DCC: variants seen among roughly 807,000 people sequenced by gnomAD.
The protein encoded by DCC is netrin receptor DCC.
A neutral mutation model predicts 172.5 loss-of-function variants in DCC; 58 were observed. That is an observed-to-expected ratio of 0.34 (90% CI 0.27 to 0.42). The LOEUF is 0.42. DCC is among the 10% of genes least tolerant of loss of function. DCC has a pLI of 1.00. For missense variants in DCC, 1,740 were observed against 1,791.0 expected, an observed-to-expected ratio of 0.97 and a Z score of 0.51; for synonymous variants, 709 against 644.5, an observed-to-expected ratio of 1.10 and a Z score of -1.52.
At chr18:53,054,772 C>A (rs1376346096) in intron 5 of DCC, among the ~76,000 whole-genome samples, 2 of 152,106 alleles carry the variant, frequency 1.3e-5, no homozygotes, top group Admixed American at 1.3e-4. Flanking sequence ...ATTCCCACAG[C>A]ACATACAGCT....
At chr18:52,467,036 G>GT (rs768380528) in intron 1 of DCC, among the ~76,000 whole-genome samples, 2 of 118,416 alleles carry the variant, frequency 1.7e-5, no homozygotes, top group Admixed American at 8.8e-5. Flanking sequence ...CTGTAAAAGT[G>GT]GTTTTTTTAA....
chr18:52,756,991 T>C (rs1201928529), intron 2 of DCC: 1 of 152,234 alleles, frequency 6.6e-6, no homozygotes, highest in Non-Finnish European at 1.5e-5. Context: ...CAACAAATCC[T>C]GAGACATACA....
intron 5 of DCC, among the ~76,000 whole-genome samples, chr18:53,044,688 AAAT>A (rs1282547093): frequency 6.6e-6 from 1 of 151,916 alleles, no homozygotes; most frequent in East Asian, 1.9e-4. Flanking sequence ...AAGAAAGAAA[AAAT>A]AACCAGACAG....
At chr18:52,389,742 C>T (rs967728026) in intron 1 of DCC, among the ~76,000 whole-genome samples, 1 of 152,046 alleles carries the variant, frequency 6.6e-6, no homozygotes, top group South Asian at 2.1e-4. Flanking sequence ...TGTTGGATCA[C>T]TGAATCTTTG....
chr18:52,836,114 T>G (rs999579754), intron 2 of DCC, among the ~76,000 whole-genome samples: 10 of 152,170 alleles, frequency 6.6e-5, no homozygotes, highest in African/African-American at 2.4e-4. Context: ...CCATCAGATC[T>G]CATGAGAACT....
At chr18:53,411,115 C>A (rs1306412845) in intron 20 of DCC, among the ~76,000 whole-genome samples, 1 of 134,516 alleles carries the variant, frequency 7.4e-6, no homozygotes, top group East Asian at 2.0e-4. Flanking sequence ...TTGTAAAGAA[C>A]CAAGGTAGAA....
At chr18:52,859,002 A>T (rs1470856457) in intron 2 of DCC, among the ~76,000 whole-genome samples, 2 of 152,050 alleles carry the variant, frequency 1.3e-5, no homozygotes, top group Non-Finnish European at 2.9e-5. Context: ...CTTACTTTTC[A>T]TATATTAGTG....
At chr18:52,797,337 C>T (rs2037895619) in intron 2 of DCC, among the ~76,000 whole-genome samples, 1 of 152,006 alleles carries the variant, frequency 6.6e-6, no homozygotes, top group African/African-American at 2.4e-5. Context: ...TTTCTTGTGT[C>T]CTTATGTTAA....
intron 7 of DCC, among the ~76,000 whole-genome samples, chr18:53,091,783 C>T (rs1021106930): frequency 1.3e-5 from 2 of 151,852 alleles, no homozygotes; most frequent in Non-Finnish European, 2.9e-5. Context: ...ATGAATGTTA[C>T]GTTCAGTCCA....
At chr18:53,009,198 T>A (rs749230091) in intron 5 of DCC, among the ~76,000 whole-genome samples, 1 of 151,984 alleles carries the variant, frequency 6.6e-6, no homozygotes, top group East Asian at 1.9e-4. Flanking sequence ...GTCTTTCTTA[T>A]TTATTTAAAA....
In DCC at chr18:52,470,944, A is replaced by AG. The variant is rs997499967; in HGVS notation, c.91+130067dup. Among the ~76,000 whole-genome samples, 108 of 152,310 alleles carry AG rather than the reference A, an allele frequency of 7.1e-4. 1 individual carries two copies. The highest frequency in any genetic ancestry group is 2.5e-3 in the African/African-American group (102 of 41,586). ...ATAATCTGCTGTAAGGCACTGAAAA[A>AG]GAAGAAACTCCACTAATGCTGACCT... On this transcript the variant is annotated intron_variant, in intron 1 of 28. Coordinates refer to ENST00000442544, the MANE Select transcript of DCC (RefSeq NM_005215.4).
At chr18:52,911,224 G>A (rs950851830) in intron 3 of DCC, among the ~76,000 whole-genome samples, 6 of 151,988 alleles carry the variant, frequency 3.9e-5, no homozygotes, top group African/African-American at 9.7e-5. Flanking sequence ...GTTAATTCGC[G>A]TAGCCCTATG....
chr18:52,851,820 T>C (rs1291232338), intron 2 of DCC, among the ~76,000 whole-genome samples: 1 of 152,118 alleles, frequency 6.6e-6, no homozygotes, highest in Non-Finnish European at 1.5e-5. Flanking sequence ...TTCAAAATTA[T>C]GGACAAGGAT....
chr18:52,366,903 G>A (rs895506895), intron 1 of DCC, among the ~76,000 whole-genome samples: 3 of 152,218 alleles, frequency 2.0e-5, no homozygotes, highest in Non-Finnish European at 1.5e-5. Flanking sequence ...CCGTGCGCTC[G>A]CACTCCTCAG....
intron 1 of DCC, among the ~76,000 whole-genome samples, chr18:52,697,502 C>T (rs534449082): frequency 1.1e-4 from 17 of 152,112 alleles, no homozygotes; most frequent in African/African-American, 4.1e-4. Context: ...CATAATAATG[C>T]CTAGTGAGTA....
rs374351492 is a variant in DCC at position 53,497,302 on chromosome 18, C to T, written c.3899-1996C>T. Among the ~76,000 whole-genome samples the T allele has an allele frequency of 7.9e-4, 120 of 152,326 alleles. No individual in the cohort carries two copies. In the South Asian group the frequency reaches 8.3e-3, roughly 11 times the overall value. On this transcript the variant is annotated intron_variant, in intron 26 of 28. Coordinates refer to ENST00000442544, the MANE Select transcript of DCC (RefSeq NM_005215.4). ...TGATGAATAATTTTCTCCAATCCAA[C>T]GATTATCTTGAGAATCCTTTGTGAA...
intron 2 of DCC, among the ~76,000 whole-genome samples, chr18:52,879,188 T>C (rs905920309): frequency 6.6e-6 from 1 of 152,162 alleles, no homozygotes; most frequent in African/African-American, 2.4e-5. Flanking sequence ...AGCTCTTTCA[T>C]AAACCTTTGC....
intron 7 of DCC, among the ~76,000 whole-genome samples, chr18:53,110,338 T>C (rs1049279920): frequency 9.9e-5 from 15 of 151,730 alleles, no homozygotes; most frequent in Non-Finnish European, 1.2e-4. Flanking sequence ...GTTATGTGGG[T>C]ATATTAAACG....
At position 52,878,305 on chromosome 18, in the gene DCC, C is replaced by CCATAAGAATCACTCTCTTTTCTG. The variant is rs1220351275; in HGVS notation, c.413-27738_413-27716dup. ...AGAAACCCTACTTTATTTCCCCAACCCATAAGAATCACTCTCTTTTCTGGC... is the reference window on the plus strand; with the variant it reads ...AGAAACCCTACTTTATTTCCCCAACCCATAAGAATCACTCTCTTTTCTGCATAAGAATCACTCTCTTTTCTGGC... On this transcript the variant is annotated intron_variant, in intron 2 of 28. Coordinates refer to ENST00000442544, the MANE Select transcript of DCC (RefSeq NM_005215.4). 4.6e-5 allele frequency among the ~76,000 whole-genome samples: 7 copies of CCATAAGAATCACTCTCTTTTCTG among 152,286 alleles called. No homozygotes were observed. The East Asian group carries it at 7.7e-4, about 17-fold the overall frequency.
Sources: gnomAD v4.1 joint callset for allele counts (sites outside exome capture counted in the v4.1 genomes callset) on GRCh38, gnomAD v4.1.1 for gene constraint, MANE v1.5 for transcripts, NCBI Gene and HGNC (gene_info 2026-07-23, HGNC 2026-07-21) for gene names.